NPHP4: variants seen among roughly 807,000 people sequenced by gnomAD.
The protein encoded by NPHP4 is nephrocystin 4.
Under a neutral mutation model 155.8 loss-of-function variants are expected in NPHP4, and 151 were observed. The observed-to-expected ratio is 0.97, with a 90% confidence interval of 0.85 to 1.11. The LOEUF is 1.11. Among genes scored for constraint, NPHP4 ranks in the 50% least tolerant of loss-of-function variants. The pLI is 0.00. For synonymous variants in NPHP4, 845 were observed against 816.8 expected (o/e 1.03, Z -0.59); for missense variants, 1,956 against 1,925.7 (o/e 1.02, Z -0.29).
At chr1:5,961,192 T>C (rs1326050433) in intron 6 of NPHP4, among the ~76,000 whole-genome samples, 1 of 152,112 alleles carries the variant, frequency 6.6e-6, no homozygotes, top group Non-Finnish European at 1.5e-5. Flanking sequence ...ATGAGGTCCC[T>C]AGAGTCACTG....
At chr1:5,897,762 T>C (rs1644466324) in intron 16 of NPHP4, among the ~76,000 whole-genome samples, 1 of 152,096 alleles carries the variant, frequency 6.6e-6, no homozygotes. Flanking sequence ...AATGGGGAAA[T>C]GGTACTATGA....
intron 23 of NPHP4, among the ~76,000 whole-genome samples, chr1:5,870,167 T>G (rs113190311): frequency 3.9e-5 from 6 of 152,192 alleles, no homozygotes; most frequent in African/African-American, 1.4e-4. Flanking sequence ...TAGCTGACAC[T>G]CCTGAAATGC....
intron 11 of NPHP4, among the ~76,000 whole-genome samples, chr1:5,923,724 C>G (rs1183371038): frequency 6.6e-6 from 1 of 152,222 alleles, no homozygotes; most frequent in African/African-American, 2.4e-5. Context: ...GATCTGATCT[C>G]ACCTAACCAA....
In NPHP4 at chr1:5,899,053, C is replaced by T. The variant is rs564515169; in HGVS notation, c.2143+5564G>A. ...CACCACGTGACTGGCGAGGACATGG[C>T]GCTGTCTGGGCTGCCTGTCTCCTGC... On this transcript the variant is annotated intron_variant, in intron 16 of 29. Transcript: ENST00000378156. Among the ~76,000 whole-genome samples the T allele has an allele frequency of 3.3e-5, 5 of 152,294 alleles. No individual in the cohort carries two copies. The East Asian group carries it at 7.7e-4, about 24-fold the overall frequency.
chr1:5,936,135 T>A (rs1455076295), intron 9 of NPHP4, among the ~76,000 whole-genome samples: 1 of 152,226 alleles, frequency 6.6e-6, no homozygotes, highest in East Asian at 1.9e-4. Context: ...CAGTAGATGA[T>A]CTCCTCTGTG....
chr1:5,961,685 G>GGGGC, intron 6 of NPHP4, 109 bp downstream of exon 6: 1 of 1,011,504 alleles, frequency 9.9e-7, no homozygotes, highest in South Asian at 1.4e-5. Context: ...GAGCTGCAGA[G>GGGGC]GGGCGCTCGG....
chr1:5,989,246 G>A (rs1227822107), intron 1 of NPHP4, among the ~76,000 whole-genome samples: 2 of 152,142 alleles, frequency 1.3e-5, no homozygotes, highest in African/African-American at 2.4e-5. Flanking sequence ...ACTTCTGACC[G>A]GCCTAACTGG....
chr1:5,985,626 AC>A (rs1216611684), intron 2 of NPHP4, among the ~76,000 whole-genome samples: 2 of 152,154 alleles, frequency 1.3e-5, no homozygotes, highest in Admixed American at 6.5e-5. Flanking sequence ...GCAGAAAGAA[AC>A]CCTACCCAGA....
chr1:5,947,286 G>T (rs182466746), intron 8 of NPHP4, 56 bp from the exon 9 acceptor site: 13 of 1,593,580 alleles, frequency 8.2e-6, no homozygotes, highest in Non-Finnish European at 1.1e-5. Flanking sequence ...CATCCTTCCC[G>T]CATCCACGTC....
intron 9 of NPHP4, among the ~76,000 whole-genome samples, chr1:5,935,737 T>C (rs1029918579): frequency 6.6e-6 from 1 of 152,166 alleles, no homozygotes; most frequent in Non-Finnish European, 1.5e-5. Context: ...CAGCTGGGCA[T>C]GGTTGTAGGC....
intron 10 of NPHP4, among the ~76,000 whole-genome samples, chr1:5,930,083 C>T (rs1326860391): frequency 6.6e-6 from 1 of 152,118 alleles, no homozygotes; most frequent in African/African-American, 2.4e-5. Context: ...AATTTATGTG[C>T]AGAGAATTGT....
chr1:5,915,875 T>C (rs1008264730), intron 11 of NPHP4, among the ~76,000 whole-genome samples: 1 of 151,920 alleles, frequency 6.6e-6, no homozygotes, highest in Non-Finnish European at 1.5e-5. Flanking sequence ...CCTTAGACTC[T>C]CCCCCACCAC....
At chr1:5,934,280 C>T (rs1265851376) in intron 9 of NPHP4, among the ~76,000 whole-genome samples, 1 of 152,130 alleles carries the variant, frequency 6.6e-6, no homozygotes, top group Non-Finnish European at 1.5e-5. Flanking sequence ...CAGGCAACAG[C>T]GGGTCCGACC....
intron 23 of NPHP4, chr1:5,868,379 G>A (rs1255292620): frequency 1.2e-5 from 3 of 248,894 alleles, no homozygotes; most frequent in Non-Finnish European, 2.4e-5. Flanking sequence ...AACCAAAGGG[G>A]TTAGAAATAG....
Position 5,887,450 on chromosome 1 carries a change from C to T in NPHP4, c.2321G>A (p.Gly774Asp), listed in dbSNP as rs1223978228. ...AVQMKHLLRQ[G>D]RPAVQASHEL... is the part of the protein sequence containing the mutation. Reference sequence around the variant, plus strand: ...GTGGGAGGCCTGCACAGCCGGCCGGCCTTGGCGGAGGAGATGCTGCAGAAG... The same window carrying T: ...GTGGGAGGCCTGCACAGCCGGCCGGTCTTGGCGGAGGAGATGCTGCAGAAG... The change falls in exon 18 of 30, where the codon GGC becomes GAC. Residue 774 changes from glycine (G) to aspartate (D), a missense_variant. By Grantham distance (94) the Gly-to-Asp change is moderately conservative. Coordinates refer to ENST00000378156, the MANE Select transcript of NPHP4 (RefSeq NM_015102.5). The T allele has an allele frequency of 6.2e-6, 10 of 1,613,216 alleles. No individual in the cohort carries two copies. Among genetic ancestry groups the T allele is most frequent in the Non-Finnish European group, 7.6e-6 (9 of 1,179,870 alleles).
intron 9 of NPHP4, 93 bp from the exon 10 acceptor site, chr1:5,933,422 C>T (rs535564943): frequency 2.3e-5 from 24 of 1,048,888 alleles, no homozygotes; most frequent in African/African-American, 3.1e-5. Context: ...TAAAATTCAA[C>T]GAGAGCTCAG....
chr1:5,894,982 C>G (rs1644321552), intron 16 of NPHP4, among the ~76,000 whole-genome samples: 1 of 152,102 alleles, frequency 6.6e-6, no homozygotes, highest in Admixed American at 6.6e-5. Context: ...GCACATACAC[C>G]CCATGGATTA....
At chr1:5,907,310 A>T in intron 12 of NPHP4, 88 bp from the exon 13 acceptor site, 1 of 823,434 alleles carries the variant, frequency 1.2e-6, no homozygotes, top group South Asian at 2.0e-5. Flanking sequence ...ACACCGGGGA[A>T]CGGGGTAGCC....
At chr1:5,865,078 G>C (rs750857029) in intron 27 of NPHP4, 24 bp downstream of exon 27, 3 of 1,610,834 alleles carry the variant, frequency 1.9e-6, no homozygotes, top group Admixed American at 1.7e-5. Flanking sequence ...GAGAGGCTCA[G>C]AACAGCCCCC....
Sources: gnomAD v4.1 joint callset for allele counts (sites outside exome capture counted in the v4.1 genomes callset) on GRCh38, gnomAD v4.1.1 for gene constraint, MANE v1.5 for transcripts, NCBI Gene and HGNC (gene_info 2026-07-23, HGNC 2026-07-21) for gene names.